Variants in MAPK6 observed in about 807,000 individuals in gnomAD.
MAPK6 encodes the protein ERK-3.
Under a neutral mutation model 59.3 loss-of-function variants are expected in MAPK6, and 19 were observed. The observed-to-expected ratio is 0.32, with a 90% CI of 0.22 to 0.47. MAPK6 has a LOEUF of 0.47. Ranked by LOEUF, MAPK6 falls within the 20% of genes least tolerant of loss-of-function variation. The probability of loss-of-function intolerance (pLI) is 1.00; values close to 1 mark genes in which losing one functional copy is unlikely to be tolerated. For synonymous variants in MAPK6, 316 were observed against 290.3 expected, an observed-to-expected ratio of 1.09 and a Z score of -0.90; for missense variants, 724 against 847.9, an observed-to-expected ratio of 0.85 and a Z score of 1.81.
At chr15:51,994,549 A>C (rs989937088) in intron 2 of MAPK6, among the ~76,000 whole-genome samples, 10 of 152,142 alleles carry the variant, frequency 6.6e-5, no homozygotes, top group Admixed American at 2.0e-4. Flanking sequence ...GTATCTAAAA[A>C]AAAGATTTTT....
At chr15:52,051,233 A>G (rs1288869154) in intron 3 of MAPK6, among the ~76,000 whole-genome samples, 2 of 151,796 alleles carry the variant, frequency 1.3e-5, no homozygotes, top group Non-Finnish European at 2.9e-5. Context: ...AATTTTTTGT[A>G]TTTTTAGTGG....
At position 51,985,676 on chromosome 15, in the gene MAPK6, C is replaced by T. The variant is rs565145305; in HGVS notation, c.-770+2361C>T. Among the ~76,000 whole-genome samples, 9 of 150,432 alleles carry T rather than the reference C, an allele frequency of 6.0e-5. No homozygotes were observed. The South Asian group carries it at 6.3e-4, about 11-fold the overall frequency. ...TCAAAAAAACAAAAAACAAAAAACCCGGCCAGGCGCAGTGGCTCACGCCTG... is the reference window on the plus strand; with the variant it reads ...TCAAAAAAACAAAAAACAAAAAACCTGGCCAGGCGCAGTGGCTCACGCCTG... On this transcript the variant is annotated intron_variant, in intron 2 of 7. Coordinates refer to the MAPK6 transcript ENST00000691380.
rs764137758 is a variant in MAPK6 at position 52,064,737 on chromosome 15, A to C, written c.1903A>C (p.Arg635=). 4.3e-5 allele frequency: 70 copies of C among 1,611,728 alleles called. No homozygotes were observed. The highest frequency in any genetic ancestry group is 1.8e-4 in the Admixed American group (11 of 59,990). ...TAGTTACTTGGACAAGTTCTTTAGCAGGAAAGAAGATACTGAAATGCTAGA... is the reference window on the plus strand; with the variant it reads ...TAGTTACTTGGACAAGTTCTTTAGCCGGAAAGAAGATACTGAAATGCTAGA... ...YTSYLDKFFS[R]KEDTEMLETE... The change falls in exon 6 of 6, where the codon AGG becomes CGG. Residue 635 remains arginine (R), a synonymous_variant. Coordinates refer to ENST00000261845, the MANE Select transcript of MAPK6 (RefSeq NM_002748.4).
chr15:52,060,237 C>T (rs1389965537), intron 4 of MAPK6, among the ~76,000 whole-genome samples: 1 of 152,118 alleles, frequency 6.6e-6, no homozygotes, highest in Non-Finnish European at 1.5e-5. Flanking sequence ...GATGCTGTGT[C>T]TTAAAATTAT....
At position 51,975,892 on chromosome 15, in the gene MAPK6, C is replaced by G. The variant is rs749913961; in HGVS notation, c.-880+3986C>G. Among the ~76,000 whole-genome samples the G allele has an allele frequency of 3.4e-4, 52 of 151,874 alleles. 1 individual carries two copies. Among genetic ancestry groups the G allele is most frequent in the Admixed American group, 1.2e-3 (18 of 15,234 alleles). On this transcript the variant is annotated intron_variant, in intron 1 of 7. Coordinates refer to the MAPK6 transcript ENST00000691380. ...CTAACAGTCTGCCTTTACTGGATTCCTTACTGAATTACTGAATTAGGGTCC... is the reference window on the plus strand; with the variant it reads ...CTAACAGTCTGCCTTTACTGGATTCGTTACTGAATTACTGAATTAGGGTCC...
At chr15:52,058,523 C>A in intron 3 of MAPK6, 110 bp from the exon 4 acceptor site, 1 of 887,220 alleles carries the variant, frequency 1.1e-6, no homozygotes, top group Non-Finnish European at 1.6e-6. Flanking sequence ...TGATACAATT[C>A]AAACTTTTCC....
intron 2 of MAPK6, among the ~76,000 whole-genome samples, chr15:51,985,794 T>C (rs981771596): frequency 2.6e-5 from 4 of 151,268 alleles, no homozygotes; most frequent in African/African-American, 7.3e-5. Context: ...CCGTCTTTAC[T>C]AAAAATACAA....
chr15:52,063,446 G>A (rs79508449), intron 5 of MAPK6, among the ~76,000 whole-genome samples: 7,860 of 152,204 alleles, frequency 0.052, 552 homozygotes, highest in African/African-American at 0.15. Context: ...ATAGGATAGC[G>A]CATTCAGCAG....
chr15:52,053,266 G>T (rs2031842865), intron 3 of MAPK6, among the ~76,000 whole-genome samples: 1 of 151,958 alleles, frequency 6.6e-6, no homozygotes, highest in African/African-American at 2.4e-5. Context: ...AGTAGAGACG[G>T]GGTTTCACCA....
chr15:51,998,877 A>G (rs1475417553), intron 2 of MAPK6, among the ~76,000 whole-genome samples: 2 of 148,770 alleles, frequency 1.3e-5, no homozygotes. Flanking sequence ...TTTTTAGTAG[A>G]GACGGGGTTT....
intron 3 of MAPK6, among the ~76,000 whole-genome samples, chr15:52,055,384 C>A (rs2031936492): frequency 6.6e-6 from 1 of 152,186 alleles, no homozygotes; most frequent in African/African-American, 2.4e-5. Flanking sequence ...CCAGCCTGAG[C>A]AACAGAGCAA....
intron 2 of MAPK6, among the ~76,000 whole-genome samples, chr15:52,001,247 C>T (rs546687606): frequency 3.3e-5 from 5 of 152,268 alleles, no homozygotes; most frequent in African/African-American, 1.2e-4. Flanking sequence ...CTACCAGCAC[C>T]TTGAGCTTGG....
intron 1 of MAPK6, among the ~76,000 whole-genome samples, chr15:52,043,025 G>A (rs940445665): frequency 6.6e-6 from 1 of 152,140 alleles, no homozygotes; most frequent in Admixed American, 6.5e-5. Flanking sequence ...TTGGGGGGCT[G>A]AGGGGCTGAG....
intron 1 of MAPK6, among the ~76,000 whole-genome samples, chr15:52,025,009 G>A (rs182537852): frequency 9.3e-5 from 14 of 151,238 alleles, no homozygotes; most frequent in African/African-American, 3.2e-4. Flanking sequence ...CATTCAGTGC[G>A]CATTCAGTTT....
At chr15:52,063,433 G>T (rs1596016472) in intron 5 of MAPK6, among the ~76,000 whole-genome samples, 1 of 152,202 alleles carries the variant, frequency 6.6e-6, no homozygotes, top group Admixed American at 6.5e-5. Context: ...ATACATGTCA[G>T]TAATAGGATA....
At chr15:52,016,603 A>G (rs1285270155), upstream of MAPK6, among the ~76,000 whole-genome samples, 2 of 152,196 alleles carry the variant, frequency 1.3e-5, no homozygotes, top group Admixed American at 6.5e-5. Flanking sequence ...CAGGGTAAAC[A>G]GCCCTCTGTT....
At chr15:51,995,934 AAAGAAAGAAGG>A (rs1378707767) in intron 2 of MAPK6, among the ~76,000 whole-genome samples, 2 of 151,844 alleles carry the variant, frequency 1.3e-5, no homozygotes, top group African/African-American at 4.9e-5. Context: ...TTTCAAAAAA[AAAGAAAGAAGG>A]AAAGAAAGAA....
At chr15:52,028,959 G>A (rs1252199716) in intron 1 of MAPK6, among the ~76,000 whole-genome samples, 1 of 152,196 alleles carries the variant, frequency 6.6e-6, no homozygotes, top group East Asian at 1.9e-4. Context: ...GTTGACCACT[G>A]TTTTCGGCCT....
intron 3 of MAPK6, chr15:52,011,543 A>C (rs1479905537): frequency 6.6e-6 from 1 of 152,256 alleles, no homozygotes; most frequent in South Asian, 2.1e-4. Flanking sequence ...TTCAGTGCTA[A>C]TGAATCAACA....
Sources: gnomAD v4.1 joint callset for allele counts (sites outside exome capture counted in the v4.1 genomes callset) on GRCh38, gnomAD v4.1.1 for gene constraint, MANE v1.5 for transcripts, NCBI Gene and HGNC (gene_info 2026-07-23, HGNC 2026-07-21) for gene names.